MTMR6: variants seen among roughly 807,000 people sequenced by gnomAD.
MTMR6 encodes the protein phosphatidylinositol-3,5-bisphosphate 3-phosphatase MTMR6.
MTMR6 carries 47 observed loss-of-function variants against 80.1 expected under a neutral mutation model. The observed-to-expected ratio is 0.59, with a 90% CI of 0.46 to 0.75. The LOEUF is 0.75. MTMR6 is among the 30% of genes least tolerant of loss of function. The pLI, the probability that MTMR6 is intolerant of heterozygous loss-of-function variation, is 0.00. For synonymous variants in MTMR6, 254 were observed against 253.0 expected (o/e 1.00, Z -0.04); for missense variants, 629 against 730.9 (o/e 0.86, Z 1.61).
Position 25,281,104 on chromosome 13 carries a change from T to C in MTMR6, c.24+6120A>G, listed in dbSNP as rs952024198. Among the ~76,000 whole-genome samples the C allele has an allele frequency of 2.6e-5, 4 of 152,186 alleles. No individual in the cohort carries two copies. In the East Asian group the frequency reaches 7.7e-4, roughly 29 times the overall value. On this transcript the variant is annotated intron_variant, in intron 1 of 13. Coordinates refer to ENST00000381801, the MANE Select transcript of MTMR6 (RefSeq NM_004685.5). Reference sequence around the variant, plus strand: ...ACTTTGGGAGGCCAAGGCAGGAGGATTGCTTGAGACCAGGAGTCTGAGAAC... The same window carrying C: ...ACTTTGGGAGGCCAAGGCAGGAGGACTGCTTGAGACCAGGAGTCTGAGAAC...
In MTMR6 at chr13:25,257,288, G is replaced by A; in HGVS notation, c.1003C>T (p.His335Tyr). The A allele has an allele frequency of 6.2e-7, 1 of 1,613,812 alleles. No individual in the cohort carries two copies. The highest frequency in any genetic ancestry group is 8.5e-7 in the Non-Finnish European group (1 of 1,179,798). The change falls in exon 9 of 14, where the codon CAT becomes TAT. Residue 335 changes from histidine to tyrosine, a missense_variant. His to Tyr is a moderately conservative substitution (Grantham distance 83). Transcript: ENST00000381801. ...GTCCTATCCCAACCATCGGAACAAT[G>A]CACCAACACACTTGCATTTTCAACT... is the stretch of plus-strand genomic sequence containing the variant. ...ITVENASVLVHCSDGWDRTSQ... is the reference protein window; with the variant it reads ...ITVENASVLVYCSDGWDRTSQ...
chr13:25,258,551 A>T lies in MTMR6; in HGVS notation c.859+9T>A. 6.3e-7 allele frequency: 1 copy of T among 1,587,936 alleles called. No individual in the cohort carries two copies. Among genetic ancestry groups the T allele is most frequent in the Non-Finnish European group, 8.5e-7 (1 of 1,172,706 alleles). On this transcript the variant is annotated intron_variant, in intron 7 of 13. Transcript: ENST00000381801. The stretch of plus-strand genomic sequence containing the variant: ...ACAAGGGTGTCTAAAAAAGTAAGCA[A>T]TAATATACCTTCCAATAATTTCTGA...
chr13:25,274,026 G>T, intron 2 of MTMR6, 45 bp downstream of exon 2: 2 of 1,224,398 alleles, frequency 1.6e-6, no homozygotes, highest in Non-Finnish European at 2.4e-6. Context: ...GACAGACCAA[G>T]TCCATTATTA....
chr13:25,265,292 T>C (rs1037954411), intron 5 of MTMR6, among the ~76,000 whole-genome samples: 2 of 152,164 alleles, frequency 1.3e-5, no homozygotes, highest in Non-Finnish European at 1.5e-5. Context: ...ACTAATTCTA[T>C]TATTTTCAAG....
intron 5 of MTMR6, among the ~76,000 whole-genome samples, chr13:25,262,225 T>A (rs1957355496): frequency 6.6e-6 from 1 of 152,316 alleles, no homozygotes; most frequent in East Asian, 1.9e-4. Context: ...GGTTTTAAGA[T>A]CTCTAATTAG....
intron 7 of MTMR6, among the ~76,000 whole-genome samples, 154 bp from the exon 8 acceptor site, chr13:25,257,999 T>A (rs1957252655): frequency 6.6e-6 from 1 of 152,220 alleles, no homozygotes; most frequent in Non-Finnish European, 1.5e-5. Flanking sequence ...GCTCAATAAC[T>A]GATTCTTGGA....
intron 8 of MTMR6, 71 bp from the exon 9 acceptor site, chr13:25,257,392 C>G (rs1293181280): frequency 2.4e-5 from 37 of 1,554,050 alleles, no homozygotes; most frequent in Non-Finnish European, 3.2e-5. Flanking sequence ...GAAAATCATA[C>G]TAGCAGGTAT....
intron 3 of MTMR6, 39 bp from the exon 4 acceptor site, chr13:25,266,325 TA>T: frequency 6.6e-7 from 1 of 1,521,506 alleles, no homozygotes; most frequent in Non-Finnish European, 9.1e-7. Context: ...GTGCAATTTA[TA>T]AGACTTATAC....
chr13:25,269,505 A>T (rs1957523434), intron 2 of MTMR6, among the ~76,000 whole-genome samples: 1 of 152,116 alleles, frequency 6.6e-6, no homozygotes, highest in South Asian at 2.1e-4. Context: ...TTTATAGAAA[A>T]CTTTTCTGGA....
intron 9 of MTMR6, among the ~76,000 whole-genome samples, chr13:25,256,049 T>A (rs1396055845): frequency 2.0e-5 from 3 of 152,212 alleles, no homozygotes; most frequent in Non-Finnish European, 2.9e-5. Flanking sequence ...TAAAACTCTT[T>A]AATAGCTCCC....
At position 25,258,637 on chromosome 13, in the gene MTMR6, T is replaced by A; in HGVS notation, c.782A>T (p.Tyr261Phe). The change falls in exon 7 of 14, where the codon TAT (tyrosine) becomes TTT (phenylalanine). Residue 261 changes from tyrosine (Y) to phenylalanine (F), a missense_variant. Coordinates refer to ENST00000381801, the MANE Select transcript of MTMR6 (RefSeq NM_004685.5). ...AGKGYENEDNYSNIRFQFVGI... is the reference protein window; with the variant it reads ...AGKGYENEDNFSNIRFQFVGI... ...AACAAACTGAAATCTAATATTGGAA[T>A]AGTTGTCTTCATTTTCATAACCTTT... 1.3e-6 allele frequency: 2 copies of A among 1,597,944 alleles called. No individual in the cohort carries two copies. The highest frequency in any genetic ancestry group is 1.7e-6 in the Non-Finnish European group (2 of 1,175,512).
chr13:25,283,201 G>T (rs1247776028), intron 1 of MTMR6, among the ~76,000 whole-genome samples: 2 of 152,138 alleles, frequency 1.3e-5, no homozygotes, highest in Non-Finnish European at 2.9e-5. Flanking sequence ...TGTGAGGCAA[G>T]AGAGTGTGGT....
At position 25,261,650 on chromosome 13, in the gene MTMR6, T is replaced by A; in HGVS notation, c.726+18A>T. On this transcript the variant is annotated intron_variant, in intron 6 of 13. Coordinates refer to ENST00000381801, the MANE Select transcript of MTMR6 (RefSeq NM_004685.5). ...AAATAATTAAACTAGCAGACTGTAC[T>A]GTATTTAAAATACATACTTTTGGCC... is the stretch of plus-strand genomic sequence containing the variant. 6.3e-7 allele frequency: 1 copy of A among 1,596,438 alleles called. No individual in the cohort carries two copies. The highest frequency in any genetic ancestry group is 1.1e-5 in the South Asian group (1 of 88,326).
intron 1 of MTMR6, among the ~76,000 whole-genome samples, chr13:25,276,964 G>T (rs1298237790): frequency 6.6e-6 from 1 of 152,190 alleles, no homozygotes. Context: ...GCTAGAAGCA[G>T]CTAGTGGTAT....
chr13:25,266,185 T>C lies in MTMR6; in HGVS notation c.406A>G (p.Arg136Gly), dbSNP rs1204188317. 6.2e-7 allele frequency: 1 copy of C among 1,614,164 alleles called. No homozygotes were observed. The highest frequency in any genetic ancestry group is 1.7e-5 in the Admixed American group (1 of 60,026). ...CAGTGTGAGTTTGGCACTCCCATCC[T>C]CTTATATTCCTCAGCGAGATCAATG... is the stretch of plus-strand genomic sequence containing the variant. ...QLIDLAEEYK[R>G]MGVPNSHWQL... Residue 136 changes from arginine to glycine, a missense_variant, in exon 4 of 14, where the codon AGG (arginine) becomes GGG (glycine). Transcript: ENST00000381801.
In MTMR6 at chr13:25,287,108, G is replaced by C. The variant is rs1957968862; in HGVS notation, c.24+116C>G. On this transcript the variant is annotated intron_variant, in intron 1 of 13. Coordinates refer to ENST00000381801, the MANE Select transcript of MTMR6 (RefSeq NM_004685.5). ...TGGCCAGACCCTCCCGCCCCGGGCC[G>C]GGTCTCCGCCGGGCCGGCTCCCAGC... The C allele has an allele frequency of 2.8e-6, 4 of 1,443,774 alleles. 1 individual carries two copies. The Admixed American group carries it at 8.1e-5, about 29-fold the overall frequency. The allele number at this position is 1,443,774 out of a possible 1,614,324, so 89.4% of individuals were successfully genotyped here.
intron 1 of MTMR6, among the ~76,000 whole-genome samples, chr13:25,278,925 G>A (rs754567904): frequency 1.3e-5 from 2 of 151,892 alleles, no homozygotes; most frequent in Admixed American, 6.6e-5. Flanking sequence ...TTACATGCAC[G>A]CACACACTCA....
chr13:25,268,503 T>C (rs1456902811), intron 2 of MTMR6, among the ~76,000 whole-genome samples: 2 of 152,216 alleles, frequency 1.3e-5, no homozygotes, highest in African/African-American at 4.8e-5. Context: ...ACTGGAATAC[T>C]GTTAACACTA....
intron 3 of MTMR6, among the ~76,000 whole-genome samples, chr13:25,267,240 C>T (rs1204894907): frequency 7.0e-6 from 1 of 142,790 alleles, no homozygotes; most frequent in African/African-American, 2.7e-5. Context: ...GAGTAAGATT[C>T]CATCTCAAAA....
Sources: allele counts gnomAD v4.1 joint callset (sites outside exome capture counted in the v4.1 genomes callset), GRCh38; gene constraint gnomAD v4.1.1; transcripts MANE v1.5; gene names NCBI Gene and HGNC (gene_info 2026-07-23, HGNC 2026-07-21).